WHAMM: variants seen among roughly 807,000 people sequenced by gnomAD.
The protein encoded by WHAMM is WASP homolog associated with actin, golgi membranes and microtubules.
Under a neutral mutation model 76.5 loss-of-function variants are expected in WHAMM, and 67 were observed. The observed-to-expected ratio is 0.88, with a 90% confidence interval of 0.72 to 1.07. The LOEUF (loss-of-function observed/expected upper bound fraction) is 1.07, where lower values mean the gene tolerates loss of function less well. Among genes scored for constraint, WHAMM ranks in the 50% least tolerant of loss-of-function variants. WHAMM has a pLI of 0.00. For missense variants in WHAMM, 1,021 were observed against 1,051.1 expected (o/e 0.97, Z 0.40); for synonymous variants, 419 against 422.1 (o/e 0.99, Z 0.09).
Position 82,833,240 on chromosome 15 carries a change from G to A in WHAMM, c.2134G>A (p.Glu712Lys), listed in dbSNP as rs1454643539. 1.2e-6 allele frequency: 2 copies of A among 1,613,642 alleles called. No homozygotes were observed. Among genetic ancestry groups the A allele is most frequent in the African/African-American group, 1.3e-5 (1 of 75,068 alleles). The change falls in exon 10 of 10, where the codon GAA (glutamate) becomes AAA (lysine). Residue 712 changes from glutamate to lysine, a missense_variant. This residue lies in a region of WHAMM where 509 missense variants were observed against 492.3 expected (regional missense o/e 1.03). Coordinates refer to ENST00000286760, the MANE Select transcript of WHAMM (RefSeq NM_001080435.3). The stretch of plus-strand genomic sequence containing the variant: ...TTATTCAATTTCAGGATCTATGGAT[G>A]AAGTGTTGGCCTCCTTAAGGCATGG... Reference protein sequence around the residue: ...ESFSCPGSMDEVLASLRHGRA... With the variant: ...ESFSCPGSMDKVLASLRHGRA...
At chr15:82,819,924 A>T (rs2050790640) in intron 5 of WHAMM, among the ~76,000 whole-genome samples, 2 of 152,220 alleles carry the variant, frequency 1.3e-5, no homozygotes, top group South Asian at 4.1e-4. Context: ...TGGGAGGCTG[A>T]GGCAGGAGAA....
chr15:82,824,384 G>A (rs2050894744), intron 6 of WHAMM, among the ~76,000 whole-genome samples: 2 of 151,804 alleles, frequency 1.3e-5, no homozygotes, highest in African/African-American at 4.8e-5. Flanking sequence ...CTGGAGTGCA[G>A]TGGCACGATC....
chr15:82,814,924 C>A (rs1381418637), intron 2 of WHAMM, among the ~76,000 whole-genome samples: 1 of 149,844 alleles, frequency 6.7e-6, no homozygotes, highest in Non-Finnish European at 1.5e-5. Context: ...TGCCCGCCAC[C>A]ATGCCCGGCT....
At chr15:82,823,722 C>A (rs150948616) in intron 6 of WHAMM, among the ~76,000 whole-genome samples, 1 of 152,132 alleles carries the variant, frequency 6.6e-6, no homozygotes, top group Non-Finnish European at 1.5e-5. Flanking sequence ...CGCGCCAGCA[C>A]GCCCAGCTAA....
intron 5 of WHAMM, among the ~76,000 whole-genome samples, chr15:82,822,518 A>G (rs2050845290): frequency 6.6e-6 from 1 of 152,092 alleles, no homozygotes; most frequent in Non-Finnish European, 1.5e-5. Flanking sequence ...GCTCACTGCA[A>G]CCTCTGCCTC....
intron 6 of WHAMM, among the ~76,000 whole-genome samples, chr15:82,825,446 A>G (rs552434072): frequency 5.3e-4 from 81 of 151,878 alleles, no homozygotes; most frequent in African/African-American, 1.9e-3. Context: ...CACTCCCCCT[A>G]CCCCATTTAG....
chr15:82,824,278 C>T (rs1049090821), intron 6 of WHAMM, among the ~76,000 whole-genome samples: 1 of 150,848 alleles, frequency 6.6e-6, no homozygotes, highest in Non-Finnish European at 1.5e-5. Flanking sequence ...CTGCCTCAGC[C>T]TCCCGTGTAG....
At position 82,816,828 on chromosome 15, in the gene WHAMM, T is replaced by G; in HGVS notation, c.920T>G (p.Val307Gly). ...ACAGTGAATTATTTTAAGGAGACAG[T>G]AAAAGCATTAGCAGGTGATAATTTA... ...DITVNYFKET[V>G]KALAGMQKEM... Residue 307 changes from valine (V) to glycine (G), a missense_variant, in exon 3 of 10, where the codon GTA becomes GGA. Coordinates refer to ENST00000286760, the MANE Select transcript of WHAMM (RefSeq NM_001080435.3). The G allele has an allele frequency of 6.4e-7, 1 of 1,560,830 alleles. No individual in the cohort carries two copies. Among genetic ancestry groups the G allele is most frequent in the South Asian group, 1.2e-5 (1 of 83,780 alleles).
intron 8 of WHAMM, among the ~76,000 whole-genome samples, chr15:82,828,588 T>C (rs931127072): frequency 6.6e-6 from 1 of 152,154 alleles, no homozygotes; most frequent in Non-Finnish European, 1.5e-5. Flanking sequence ...GCCCATCTCC[T>C]CAGGCCTCAC....
At chr15:82,831,822 A>C (rs1037778208) in intron 9 of WHAMM, among the ~76,000 whole-genome samples, 1 of 152,208 alleles carries the variant, frequency 6.6e-6, no homozygotes, top group African/African-American at 2.4e-5. Flanking sequence ...AATCCTAGCA[A>C]AATTTATGTA....
At chr15:82,826,369 A>G in intron 6 of WHAMM, 41 bp from the exon 7 acceptor site, 2 of 1,598,656 alleles carry the variant, frequency 1.3e-6, no homozygotes, top group Non-Finnish European at 1.7e-6. Flanking sequence ...ATACCAGGGT[A>G]ATATTAAAAA....
Position 82,816,791 on chromosome 15 carries a change from A to C in WHAMM, c.883A>C (p.Ile295Leu). The change falls in exon 3 of 10, where the codon ATT (isoleucine) becomes CTT (leucine). Residue 295 changes from isoleucine (I) to leucine (L), a missense_variant. This residue lies in a region of WHAMM where 501 missense variants were observed against 524.9 expected (regional missense o/e 0.95). Coordinates refer to ENST00000286760, the MANE Select transcript of WHAMM (RefSeq NM_001080435.3). ...ACGGGCTGAAGAAGCTGTCGTCTCT[A>C]TTCAGGATATCACAGTGAATTATTT... ...TRRAEEAVVS[I>L]QDITVNYFKE... 1.3e-6 allele frequency: 2 copies of C among 1,564,218 alleles called. No homozygotes were observed. Among genetic ancestry groups the C allele is most frequent in the South Asian group, 1.2e-5 (1 of 84,892 alleles).
intron 1 of WHAMM, 151 bp from the exon 2 acceptor site, chr15:82,812,952 G>A: frequency 1.7e-6 from 1 of 574,482 alleles, no homozygotes; most frequent in Non-Finnish European, 2.9e-6. Context: ...CATTTTTGAT[G>A]GAGGATGATA....
intron 3 of WHAMM, among the ~76,000 whole-genome samples, chr15:82,817,132 G>T (rs536077390): frequency 6.6e-6 from 1 of 152,314 alleles, no homozygotes; most frequent in African/African-American, 2.4e-5. Context: ...GGTGGTCACT[G>T]AAGGCCTCTG....
rs55807384 is a variant in WHAMM at position 82,815,155 on chromosome 15, A to ATATATATATAAAAT, written c.784-1537_784-1536insTATATATATAAAAT. Among the ~76,000 whole-genome samples, 7 of 46,136 alleles carry ATATATATATAAAAT rather than the reference A, an allele frequency of 1.5e-4. No homozygotes were observed. In the East Asian group the frequency reaches 3.3e-3, roughly 21 times the overall value. 30.3% of individuals were successfully genotyped at this position (46,136 alleles called of 152,430 possible). ...TATATATATATATATATATATATATAGTACAATTCAGTGATTTTTAGTATA... is the reference window on the plus strand; with the variant it reads ...TATATATATATATATATATATATATATATATATATAAAATGTACAATTCAGTGATTTTTAGTATA... On this transcript the variant is annotated intron_variant, in intron 2 of 9. Transcript: ENST00000286760.
chr15:82,821,874 C>T (rs2050834533), intron 5 of WHAMM, among the ~76,000 whole-genome samples: 1 of 152,062 alleles, frequency 6.6e-6, no homozygotes, highest in Admixed American at 6.6e-5. Context: ...ATCTTTTTTC[C>T]TAAAGTTCCT....
rs532013505 is a variant in WHAMM at position 82,816,935 on chromosome 15, A to T, written c.934+93A>T. On this transcript the variant is annotated intron_variant, in intron 3 of 9. Coordinates refer to ENST00000286760, the MANE Select transcript of WHAMM (RefSeq NM_001080435.3). Reference sequence around the variant, plus strand: ...GAGTCCCTCTTACGCACTAGGTACTATGTTTTCTAGGTGCTGAGAATTCAG... The same window carrying T: ...GAGTCCCTCTTACGCACTAGGTACTTTGTTTTCTAGGTGCTGAGAATTCAG... The T allele has an allele frequency of 3.9e-6, 5 of 1,273,838 alleles. No individual in the cohort carries two copies. In the African/African-American group the frequency reaches 4.5e-5, roughly 12 times the overall value. The allele number at this position is 1,273,838 out of a possible 1,614,324, so 78.9% of individuals were successfully genotyped here.
intron 9 of WHAMM, among the ~76,000 whole-genome samples, chr15:82,832,352 C>T (rs552486101): frequency 1.3e-5 from 2 of 152,296 alleles, no homozygotes; most frequent in South Asian, 2.1e-4. Context: ...AGCCACAGCA[C>T]GGCCTTTCAA....
In WHAMM at chr15:82,809,882, G is replaced by C; in HGVS notation, c.156G>C (p.Gln52His). The stretch of plus-strand genomic sequence containing the variant: ...CTTGTCACGACCGTACCGCGCAGCA[G>C]CGGCGGCTGCGCGAGGGGGCCCGGT... Reference protein sequence around the residue: ...AVTCHDRTAQQRRLREGARLG... With the variant: ...AVTCHDRTAQHRRLREGARLG... Residue 52 changes from glutamine (Q) to histidine (H), a missense_variant, in exon 1 of 10, where the codon CAG (glutamine) becomes CAC (histidine). Physicochemically the swap from Gln to His is conservative, Grantham distance 24. Coordinates refer to ENST00000286760, the MANE Select transcript of WHAMM (RefSeq NM_001080435.3). 6.4e-7 allele frequency: 1 copy of C among 1,559,350 alleles called. No individual in the cohort carries two copies. The highest frequency in any genetic ancestry group is 1.4e-5 in the African/African-American group (1 of 71,078).
Sources: gnomAD v4.1 joint callset for allele counts (sites outside exome capture counted in the v4.1 genomes callset) on GRCh38, gnomAD v4.1.1 for gene constraint, gnomAD v4.1.1 regional missense constraint, MANE v1.5 for transcripts, NCBI Gene and HGNC (gene_info 2026-07-23, HGNC 2026-07-21) for gene names.